FBXO40: variants seen among roughly 807,000 people sequenced by gnomAD.
FBXO40 encodes the protein F-box only protein 40.
Under a neutral mutation model 49.9 loss-of-function variants are expected in FBXO40, and 50 were observed. The observed-to-expected ratio is 1.00, with a 90% confidence interval of 0.80 to 1.27. FBXO40 has a LOEUF of 1.27. FBXO40 is among the 50% of genes most tolerant of loss of function. FBXO40 has a pLI of 0.00. For missense variants in FBXO40, 895 were observed against 870.1 expected (o/e 1.03, Z -0.36); for synonymous variants, 340 against 320.2 (o/e 1.06, Z -0.66).
Position 121,621,419 on chromosome 3 carries a change from C to T in FBXO40, c.4-14C>T. On this transcript the variant is annotated splice_polypyrimidine_tract_variant and intron_variant, in intron 2 of 3. Transcript: ENST00000338040. ...ATTCATTTGTTTTCTTCCCCCTGTC[C>T]TTGGTGTGTCCAGGGGAAAGCCCGC... The T allele has an allele frequency of 1.2e-6, 2 of 1,600,650 alleles. No individual in the cohort carries two copies. Among genetic ancestry groups the T allele is most frequent in the Non-Finnish European group, 1.7e-6 (2 of 1,171,102 alleles).
chr3:121,609,112 T>C (rs994273518), intron 1 of FBXO40, among the ~76,000 whole-genome samples: 2 of 152,068 alleles, frequency 1.3e-5, no homozygotes, highest in Non-Finnish European at 2.9e-5. Flanking sequence ...GGTATGGGGC[T>C]CTTGAATGAG....
At chr3:121,614,154 C>A (rs895322533) in intron 1 of FBXO40, among the ~76,000 whole-genome samples, 2 of 151,156 alleles carry the variant, frequency 1.3e-5, no homozygotes, top group South Asian at 2.1e-4. Flanking sequence ...GTAGTCCCAA[C>A]TACTTGGAAG....
chr3:121,613,021 G>A (rs2048975817), intron 1 of FBXO40, among the ~76,000 whole-genome samples: 1 of 147,774 alleles, frequency 6.8e-6, no homozygotes, highest in South Asian at 2.1e-4. Flanking sequence ...AGTGAGCCGA[G>A]ATCCAGCCAC....
rs560066260 is a variant in FBXO40, at chr3:121,623,238, G to T, written c.1809G>T (p.Met603Ile). ...AGCTCTCCCAGGTGTCTGTGCTGAT[G>T]AGGAATATCTGTGCCACTTTGTTAC... ...LAQLSQVSVL[M>I]RNICATLLQE... Residue 603 changes from methionine (M) to isoleucine (I), a missense_variant, in exon 3 of 4, where the codon ATG (methionine) becomes ATT (isoleucine). Met to Ile is a conservative substitution (Grantham distance 10). Coordinates refer to ENST00000338040, the MANE Select transcript of FBXO40 (RefSeq NM_016298.4). 1.9e-6 allele frequency: 3 copies of T among 1,614,194 alleles called. No homozygotes were observed. The East Asian group carries it at 6.7e-5, about 36-fold the overall frequency.
At chr3:121,623,491 A>T (rs2049045693) in intron 3 of FBXO40, 148 bp downstream of exon 3, 3 of 650,490 alleles carry the variant, frequency 4.6e-6, no homozygotes, top group Non-Finnish European at 7.8e-6. Flanking sequence ...CTCTTGCCTC[A>T]GTCTTCCAAG....
At position 121,622,462 on chromosome 3, in the gene FBXO40, A is replaced by C. The variant is rs763579393; in HGVS notation, c.1033A>C (p.Lys345Gln). 3.1e-6 allele frequency: 5 copies of C among 1,614,096 alleles called. No homozygotes were observed. The highest frequency in any genetic ancestry group is 1.3e-5 in the African/African-American group (1 of 74,940). The change falls in exon 3 of 4, where the codon AAG becomes CAG. Residue 345 changes from lysine to glutamine, a missense_variant. Lys to Gln is a moderately conservative substitution (Grantham distance 53). Coordinates refer to ENST00000338040, the MANE Select transcript of FBXO40 (RefSeq NM_016298.4). The part of the protein sequence containing the change: ...VYGKLEAQEV[K>Q]TVYTFKVPVS... ...TGGCAAGCTGGAGGCTCAGGAAGTT[A>C]AGACTGTTTACACCTTCAAAGTTCC...
At chr3:121,612,576 C>T (rs1193521300) in intron 1 of FBXO40, among the ~76,000 whole-genome samples, 1 of 152,130 alleles carries the variant, frequency 6.6e-6, no homozygotes, top group East Asian at 1.9e-4. Flanking sequence ...TTCTCTCCTT[C>T]TATCAAACAT....
At position 121,622,528 on chromosome 3, in the gene FBXO40, A is replaced by C. The variant is rs753295687; in HGVS notation, c.1099A>C (p.Met367Leu). Residue 367 changes from methionine to leucine, a missense_variant, in exon 3 of 4, where the codon ATG (methionine) becomes CTG (leucine). By Grantham distance (15) the Met-to-Leu change is conservative. Transcript: ENST00000338040. Reference sequence around the variant, plus strand: ...AAAGCGAGCTCGACTTGGAGATGCCATGTTGAGTTGTAAGCCAAGTGAACA... The same window carrying C: ...AAAGCGAGCTCGACTTGGAGATGCCCTGTTGAGTTGTAAGCCAAGTGAACA... Reference protein sequence around the residue: ...CGKRARLGDAMLSCKPSEHKA... With the variant: ...CGKRARLGDALLSCKPSEHKA... 10 of 1,614,224 alleles carry C rather than the reference A, an allele frequency of 6.2e-6. No individual in the cohort carries two copies. The highest frequency in any genetic ancestry group is 1.6e-4 in the Middle Eastern group (1 of 6,062).
chr3:121,619,301 G>A (rs757002320), intron 1 of FBXO40, among the ~76,000 whole-genome samples: 5 of 151,856 alleles, frequency 3.3e-5, no homozygotes, highest in African/African-American at 4.8e-5. Context: ...GAGCCATTGC[G>A]CCTGGCCAAA....
At chr3:121,626,180 A>T (rs892950997) in intron 3 of FBXO40, among the ~76,000 whole-genome samples, 16 of 152,170 alleles carry the variant, frequency 1.1e-4, no homozygotes, top group Admixed American at 7.2e-4. Flanking sequence ...CCCAAATGAC[A>T]TCTCTTCTTT....
chr3:121,621,505 C>T lies in FBXO40; in HGVS notation c.76C>T (p.Pro26Ser). The change falls in exon 3 of 4, where the codon CCT becomes TCT. Residue 26 changes from proline (P) to serine (S), a missense_variant. Transcript: ENST00000338040. ...EGCFNRHCHIPVEPNTSCLVI... is the reference protein window; with the variant it reads ...EGCFNRHCHISVEPNTSCLVI... ...ATGCTTCAACCGCCACTGCCACATT[C>T]CTGTGGAACCCAACACCTCCTGCCT... 6.2e-7 allele frequency: 1 copy of T among 1,614,268 alleles called. No individual in the cohort carries two copies. The highest frequency in any genetic ancestry group is 8.5e-7 in the Non-Finnish European group (1 of 1,180,054).
At chr3:121,626,647 A>T (rs1292172071) in intron 3 of FBXO40, 48 bp from the exon 4 acceptor site, 1 of 1,557,986 alleles carries the variant, frequency 6.4e-7, no homozygotes, top group Admixed American at 1.7e-5. Context: ...AGCCAGCCAG[A>T]GGGTAACACC....
intron 1 of FBXO40, among the ~76,000 whole-genome samples, chr3:121,619,597 A>G (rs1408531271): frequency 3.3e-5 from 5 of 152,256 alleles, no homozygotes; most frequent in African/African-American, 9.6e-5. Flanking sequence ...TTATAATAGC[A>G]AACATGTATA....
chr3:121,627,412 A>G lies in FBXO40; in HGVS notation c.*502A>G, dbSNP rs182472558. 17 of 171,530 alleles carry G rather than the reference A, an allele frequency of 9.9e-5. 1 individual carries two copies. The highest frequency in any genetic ancestry group is 3.1e-4 in the South Asian group (2 of 6,356). 10.6% of individuals were successfully genotyped at this position (171,530 alleles called of 1,614,324 possible). ...TGGAGCTGGGTCTGTTTTGACGGTCAAGTCCAGGGCTCATTTTGGTTATTC... is the reference window on the plus strand; with the variant it reads ...TGGAGCTGGGTCTGTTTTGACGGTCGAGTCCAGGGCTCATTTTGGTTATTC... On this transcript the variant is annotated 3_prime_UTR_variant, in exon 4 of 4. Transcript: ENST00000338040.
Position 121,629,916 on chromosome 3 carries a change from G to A in FBXO40, c.*3006G>A, listed in dbSNP as rs566081195. Reference sequence around the variant, plus strand: ...AGAAACAGCTGAGGGGAGCAAAGACGGACTGTGTACACAGGGAGGGAGGAT... The same window carrying A: ...AGAAACAGCTGAGGGGAGCAAAGACAGACTGTGTACACAGGGAGGGAGGAT... On this transcript the variant is annotated 3_prime_UTR_variant, in exon 4 of 4. Coordinates refer to ENST00000338040, the MANE Select transcript of FBXO40 (RefSeq NM_016298.4). 3.2e-4 allele frequency: 48 copies of A among 152,358 alleles called. No individual in the cohort carries two copies. The highest frequency in any genetic ancestry group is 1.1e-3 in the African/African-American group (45 of 41,570). 9.4% of individuals were successfully genotyped at this position (152,358 alleles called of 1,614,324 possible). A position where few individuals can be genotyped will look rare whatever the true frequency, so the allele number is the denominator to read the frequency against.
intron 1 of FBXO40, among the ~76,000 whole-genome samples, chr3:121,610,425 G>A (rs2048958224): frequency 6.6e-6 from 1 of 152,080 alleles, no homozygotes; most frequent in Admixed American, 6.5e-5. Flanking sequence ...TGAACTCCTG[G>A]CAATGCCTGT....
chr3:121,622,922 A>G lies in FBXO40; in HGVS notation c.1493A>G (p.Asp498Gly). 2 of 1,614,198 alleles carry G rather than the reference A, an allele frequency of 1.2e-6. No homozygotes were observed. Among genetic ancestry groups the G allele is most frequent in the Non-Finnish European group, 1.7e-6 (2 of 1,180,038 alleles). ...FPLHFKNVHT[D>G]IQSCLNGWFQ... Reference sequence around the variant, plus strand: ...CTGCACTTCAAGAATGTCCACACAGACATTCAGTCATGTCTCAATGGCTGG... The same window carrying G: ...CTGCACTTCAAGAATGTCCACACAGGCATTCAGTCATGTCTCAATGGCTGG... Residue 498 changes from aspartate (D) to glycine (G), a missense_variant, in exon 3 of 4, where the codon GAC (aspartate) becomes GGC (glycine). By Grantham distance (94) the Asp-to-Gly change is moderately conservative. Transcript: ENST00000338040.
At chr3:121,596,888 T>A (rs561927560) in intron 1 of FBXO40, among the ~76,000 whole-genome samples, 10 of 152,194 alleles carry the variant, frequency 6.6e-5, no homozygotes, top group African/African-American at 2.4e-4. Context: ...AGGGTTCAGT[T>A]TAATTCAGTT....
chr3:121,599,705 C>G (rs6438636), intron 1 of FBXO40, among the ~76,000 whole-genome samples: 1 of 59,530 alleles, frequency 1.7e-5, no homozygotes, highest in African/African-American at 6.1e-5. Flanking sequence ...CACACACACA[C>G]ATATATATAT....
Sources: gnomAD v4.1 joint callset for allele counts (sites outside exome capture counted in the v4.1 genomes callset) on GRCh38, gnomAD v4.1.1 for gene constraint, MANE v1.5 for transcripts, NCBI Gene and HGNC (gene_info 2026-07-23, HGNC 2026-07-21) for gene names.